The following CATSPERT variants were observed in gnomAD, a reference collection of about 807,000 sequenced individuals.
CATSPERT encodes the protein catsper channel auxiliary subunit tau, also known as cation channel sperm-associated targeting subunit tau.
At chr2:201,544,223 G>A in the CATSPERT span, among the ~76,000 whole-genome samples, 2 of 152,120 alleles carry the variant, frequency 1.3e-5, no homozygotes, top group Non-Finnish European at 2.9e-5. Flanking sequence ...ATTCCATGGT[G>A]TATATGTGCC....
the CATSPERT span, chr2:201,545,415 GT>G: frequency 6.6e-6 from 4 of 605,006 alleles, no homozygotes; most frequent in Non-Finnish European, 1.1e-5. Context: ...CAAAACTATA[GT>G]GAAATGCCTA....
the CATSPERT span, chr2:201,494,032 A>G: frequency 1.3e-5 from 20 of 1,535,694 alleles, no homozygotes; most frequent in Non-Finnish European, 1.7e-5. Flanking sequence ...ATCTGCAGGA[A>G]TATTTTCAAT....
the CATSPERT span, chr2:201,535,261 A>G: frequency 3.0e-6 from 3 of 985,192 alleles, no homozygotes; most frequent in Non-Finnish European, 3.6e-6. Context: ...TGCCCAAGCT[A>G]GTATTTAGAA....
At chr2:201,589,018 G>T in the CATSPERT span, among the ~76,000 whole-genome samples, 1 of 152,004 alleles carries the variant, frequency 6.6e-6, no homozygotes, top group Admixed American at 6.6e-5. Context: ...GCTATAAAAA[G>T]AATAAAATAC....
the CATSPERT span, among the ~76,000 whole-genome samples, chr2:201,584,792 G>T: frequency 2.6e-5 from 4 of 150,972 alleles, no homozygotes; most frequent in Non-Finnish European, 5.9e-5. Context: ...CAAAAAAAAA[G>T]AAAGAAAGAA....
the CATSPERT span, among the ~76,000 whole-genome samples, chr2:201,532,747 A>G: frequency 5.3e-5 from 8 of 152,194 alleles, no homozygotes; most frequent in South Asian, 1.0e-3. Flanking sequence ...GAAAAAGATC[A>G]GTTTCAAGAA....
At chr2:201,507,332 T>C in the CATSPERT span, among the ~76,000 whole-genome samples, 1 of 152,166 alleles carries the variant, frequency 6.6e-6, no homozygotes, top group Non-Finnish European at 1.5e-5. Context: ...GAACAGGAGC[T>C]ATGAAATATT....
At chr2:201,508,006 G>T in the CATSPERT span, among the ~76,000 whole-genome samples, 8 of 152,286 alleles carry the variant, frequency 5.3e-5, no homozygotes, top group South Asian at 1.0e-3. Context: ...CCGACGTGGG[G>T]ATTACAATTC....
chr2:201,559,249 A>C, the CATSPERT span, among the ~76,000 whole-genome samples: 1 of 152,166 alleles, frequency 6.6e-6, no homozygotes, highest in Non-Finnish European at 1.5e-5. Flanking sequence ...GCAAGCAGCC[A>C]AGAGCCCATG....
chr2:201,540,462 A>C, the CATSPERT span, among the ~76,000 whole-genome samples: 1 of 152,224 alleles, frequency 6.6e-6, no homozygotes, highest in African/African-American at 2.4e-5. Context: ...AATTGAAGCC[A>C]ATGCTCATTT....
chr2:201,532,770 A>G, the CATSPERT span, among the ~76,000 whole-genome samples: 1 of 152,190 alleles, frequency 6.6e-6, no homozygotes, highest in South Asian at 2.1e-4. Flanking sequence ...GGGTGGAACT[A>G]TTTTGTCAAA....
the CATSPERT span, among the ~76,000 whole-genome samples, chr2:201,549,192 A>C: frequency 6.6e-6 from 1 of 152,178 alleles, no homozygotes; most frequent in South Asian, 2.1e-4. Flanking sequence ...TAAATCTATG[A>C]GTTCAAAATA....
At chr2:201,493,887 T>G in the CATSPERT span, 1 of 1,537,148 alleles carries the variant, frequency 6.5e-7, no homozygotes, top group South Asian at 1.2e-5. Flanking sequence ...TAGAGACATG[T>G]TCTTCTACCT....
the CATSPERT span, among the ~76,000 whole-genome samples, chr2:201,506,721 T>G: frequency 1.8e-4 from 28 of 152,180 alleles, no homozygotes; most frequent in African/African-American, 6.7e-4. Flanking sequence ...GCCTGGCTAA[T>G]TTTTTGTATT....
the CATSPERT span, chr2:201,537,536 G>A: frequency 1.8e-6 from 2 of 1,117,826 alleles, no homozygotes; most frequent in East Asian, 2.8e-5. Context: ...AAACACATAT[G>A]TATGTACATT....
chr2:201,530,962 T>G, the CATSPERT span, among the ~76,000 whole-genome samples: 7 of 33,732 alleles, frequency 2.1e-4, no homozygotes, highest in African/African-American at 4.3e-4. Flanking sequence ...TTTTTGTGGG[T>G]TTTTTTTTTT....
At chr2:201,496,300 AATACATGGCAGCTC>A in the CATSPERT span, among the ~76,000 whole-genome samples, 1 of 152,158 alleles carries the variant, frequency 6.6e-6, no homozygotes, top group East Asian at 1.9e-4. Flanking sequence ...GCCTTTACAC[AATACATGGCAGCTC>A]ATATTATATT....
chr2:201,565,707 T>A, the CATSPERT span: 481 of 216,074 alleles, frequency 2.2e-3, no homozygotes, highest in Admixed American at 3.9e-3. Flanking sequence ...TCTTTTGAAT[T>A]TTTTTTTTTT....
At chr2:201,582,243 GA>G in the CATSPERT span, 1 of 1,568,998 alleles carries the variant, frequency 6.4e-7, no homozygotes, top group Non-Finnish European at 8.6e-7. Flanking sequence ...TATAAGAAAA[GA>G]AGCATTAAAT....
Sources: allele counts gnomAD v4.1 joint callset (sites outside exome capture counted in the v4.1 genomes callset), GRCh38; gene constraint gnomAD v4.1.1; transcripts MANE v1.5; gene names NCBI Gene and HGNC (gene_info 2026-07-23, HGNC 2026-07-21).